Variants in FBXO25 observed in about 807,000 individuals in gnomAD.
FBXO25 encodes F-box protein 25, also known as F-box only protein 25.
A neutral mutation model predicts 51.9 loss-of-function variants in FBXO25; 45 were observed. The observed-to-expected ratio is 0.87, with a 90% confidence interval of 0.68 to 1.11. The LOEUF is 1.11. Among genes scored for constraint, FBXO25 ranks in the 50% most tolerant of loss-of-function variants. The pLI is 0.00. For missense variants in FBXO25, 507 were observed against 428.5 expected, an observed-to-expected ratio of 1.18 and a Z score of -1.62; for synonymous variants, 199 against 151.0, an observed-to-expected ratio of 1.32 and a Z score of -2.33.
At chr8:408,701 A>G (rs561689091) in intron 1 of FBXO25, among the ~76,000 whole-genome samples, 6 of 152,326 alleles carry the variant, frequency 3.9e-5, no homozygotes, top group Admixed American at 2.0e-4. Context: ...CTCTCATGCC[A>G]AGAGTTTCCA....
At chr8:409,450 A>G (rs1467486622) in intron 1 of FBXO25, among the ~76,000 whole-genome samples, 2 of 152,182 alleles carry the variant, frequency 1.3e-5, no homozygotes, top group Non-Finnish European at 2.9e-5. Flanking sequence ...AGACCAAACT[A>G]TTCATTTTTC....
At chr8:414,514 C>T (rs540042558) in intron 2 of FBXO25, among the ~76,000 whole-genome samples, 43 of 152,222 alleles carry the variant, frequency 2.8e-4, no homozygotes, top group African/African-American at 9.9e-4. Context: ...GCTGCATCTG[C>T]GGTGAGGAAT....
At chr8:435,783 G>A (rs1453641784) in intron 5 of FBXO25, 76 bp downstream of exon 5, 52 of 1,536,284 alleles carry the variant, frequency 3.4e-5, no homozygotes, top group African/African-American at 8.4e-5. Flanking sequence ...AGTGTACAAC[G>A]TTGAAGATGC....
chr8:439,579 A>G (rs1214238197), intron 5 of FBXO25, among the ~76,000 whole-genome samples: 1 of 152,160 alleles, frequency 6.6e-6, no homozygotes, highest in Non-Finnish European at 1.5e-5. Context: ...GTTTCTTGCC[A>G]TCATTTATTT....
intron 2 of FBXO25, among the ~76,000 whole-genome samples, chr8:424,276 C>T (rs761050208): frequency 3.3e-5 from 5 of 152,096 alleles, no homozygotes; most frequent in South Asian, 2.1e-4. Flanking sequence ...CTTTGTCAGA[C>T]GCATAGTTTG....
intron 1 of FBXO25, among the ~76,000 whole-genome samples, chr8:412,566 C>G (rs188512828): frequency 1.3e-5 from 2 of 152,076 alleles, no homozygotes; most frequent in African/African-American, 2.4e-5. Context: ...TTTGGCCCCT[C>G]ATTGCCCTCA....
At chr8:468,241 T>A in intron 9 of FBXO25, 1 of 1,010,360 alleles carries the variant, frequency 9.9e-7, no homozygotes, top group Non-Finnish European at 1.2e-6. Context: ...AGGCCGTGTG[T>A]CCCCCTCTCC....
In FBXO25 at chr8:434,417, T is replaced by G. The variant is rs1797985491; in HGVS notation, c.289-1198T>G. 2.0e-5 allele frequency among the ~76,000 whole-genome samples: 3 copies of G among 152,206 alleles called. No homozygotes were observed. In the South Asian group the frequency reaches 6.2e-4, roughly 32 times the overall value. On this transcript the variant is annotated intron_variant, in intron 4 of 9. Coordinates refer to ENST00000350302, the MANE Select transcript of FBXO25 (RefSeq NM_183420.2). ...TTATAATCTATATCAAAATGAGTGT[T>G]TCCTTTCCCCAGAGTTCCCAGGAAA...
intron 1 of FBXO25, among the ~76,000 whole-genome samples, chr8:412,109 A>T (rs1406775063): frequency 3.3e-5 from 5 of 152,216 alleles, no homozygotes; most frequent in Non-Finnish European, 5.9e-5. Flanking sequence ...AGCGTCATGA[A>T]GTTAATCACG....
At chr8:462,948 T>C in intron 8 of FBXO25, 59 bp from the exon 9 acceptor site, 3 of 1,545,142 alleles carry the variant, frequency 1.9e-6, no homozygotes, top group Non-Finnish European at 1.7e-6. Flanking sequence ...GTTTTACACC[T>C]AATATTATGT....
At position 475,748 on chromosome 8, in the gene FBXO25, T is replaced by C. The variant is rs1489018025; in HGVS notation, c.*6944T>C. The C allele has an allele frequency of 3.3e-5, 5 of 152,232 alleles. No individual in the cohort carries two copies. Among genetic ancestry groups the C allele is most frequent in the Non-Finnish European group, 7.3e-5 (5 of 68,028 alleles). The allele number at this position is 152,232 out of a possible 1,614,324, so 9.4% of individuals were successfully genotyped here. A position where few individuals can be genotyped will look rare whatever the true frequency, so the allele number is the denominator to read the frequency against. ...ATAGAAATATCATGGATTTGTTGTG[T>C]TGATTTTGTAAACTGCAGTGTTACT... On this transcript the variant is annotated 3_prime_UTR_variant, in exon 10 of 10. Coordinates refer to ENST00000350302, the MANE Select transcript of FBXO25 (RefSeq NM_183420.2).
At chr8:435,492 G>T (rs192663070) in intron 4 of FBXO25, 123 bp from the exon 5 acceptor site, 4 of 1,055,894 alleles carry the variant, frequency 3.8e-6, no homozygotes, top group African/African-American at 1.6e-5. Flanking sequence ...TCTAAAATCA[G>T]TCTTCAAAAT....
chr8:444,296 TTCTC>T (rs1273276477), intron 5 of FBXO25, among the ~76,000 whole-genome samples: 3 of 152,208 alleles, frequency 2.0e-5, no homozygotes, highest in African/African-American at 7.2e-5. Context: ...TTGTTTCTCT[TTCTC>T]TGCCCTTCCC....
intron 5 of FBXO25, among the ~76,000 whole-genome samples, chr8:445,141 C>T (rs976402203): frequency 3.3e-5 from 5 of 152,176 alleles, no homozygotes; most frequent in African/African-American, 1.2e-4. Flanking sequence ...ACTGTGAACA[C>T]GGCCCTTCTC....
intron 5 of FBXO25, among the ~76,000 whole-genome samples, chr8:448,697 C>T (rs982928420): frequency 6.6e-6 from 1 of 152,076 alleles, no homozygotes; most frequent in Admixed American, 6.6e-5. Context: ...GAGAAAAGGT[C>T]GGTGGTTAGA....
At chr8:426,881 G>C (rs1386229957) in intron 2 of FBXO25, among the ~76,000 whole-genome samples, 1 of 147,796 alleles carries the variant, frequency 6.8e-6, no homozygotes, top group Non-Finnish European at 1.5e-5. Context: ...TTAAGAGTCC[G>C]TAAGTGTGTC....
At chr8:460,993 C>T (rs748424526) in intron 8 of FBXO25, among the ~76,000 whole-genome samples, 2 of 152,174 alleles carry the variant, frequency 1.3e-5, no homozygotes, top group Non-Finnish European at 2.9e-5. Context: ...GCAGCAACAG[C>T]CATAAAGACT....
chr8:408,168 A>G (rs1157370857), intron 1 of FBXO25, among the ~76,000 whole-genome samples: 5 of 152,166 alleles, frequency 3.3e-5, no homozygotes, highest in Non-Finnish European at 7.4e-5. Context: ...TTCTGGATCA[A>G]ATTTGTCCAC....
rs1798984559 is a variant in FBXO25, at chr8:450,081, A to G, written c.473A>G (p.Lys158Arg). 1.2e-6 allele frequency: 2 copies of G among 1,604,934 alleles called. No individual in the cohort carries two copies. The highest frequency in any genetic ancestry group is 4.5e-5 in the East Asian group (2 of 44,744). The change falls in exon 6 of 10, where the codon AAG becomes AGG. Residue 158 changes from lysine (K) to arginine (R), a missense_variant and splice_region_variant. Lys to Arg is a conservative substitution (Grantham distance 26, BLOSUM62 2). Transcript: ENST00000350302. ...AACATTTTGGATAAAATCGTTCAAA[A>G]GGGTAAGATGATCACTGTATTTTTA... ...YFNILDKIVQ[K>R]VLDDHHNPRL...
Sources: gnomAD v4.1 joint callset for allele counts (sites outside exome capture counted in the v4.1 genomes callset) on GRCh38, gnomAD v4.1.1 for gene constraint, MANE v1.5 for transcripts, NCBI Gene and HGNC (gene_info 2026-07-23, HGNC 2026-07-21) for gene names.